The following RAP1GDS1 variants were observed in gnomAD, a reference collection of about 807,000 sequenced individuals.
The protein encoded by RAP1GDS1 is RAP1, GTP-GDP dissociation stimulator 1.
A neutral mutation model predicts 71.1 loss-of-function variants in RAP1GDS1; 35 were observed. That is an observed-to-expected ratio of 0.49 (90% CI 0.38 to 0.65). The LOEUF (loss-of-function observed/expected upper bound fraction) is 0.65. RAP1GDS1 is among the 30% of genes least tolerant of loss of function. RAP1GDS1 has a pLI of 0.00. For missense variants in RAP1GDS1, 663 were observed against 706.1 expected, an observed-to-expected ratio of 0.94 and a Z score of 0.69; for synonymous variants, 229 against 243.1, an observed-to-expected ratio of 0.94 and a Z score of 0.54.
chr4:98,391,592 GC>G (rs1480091209), intron 5 of RAP1GDS1, among the ~76,000 whole-genome samples: 4 of 151,872 alleles, frequency 2.6e-5, no homozygotes, highest in Non-Finnish European at 5.9e-5. Flanking sequence ...TTCCTGTAAT[GC>G]AAATGTTACT....
chr4:98,425,535 G>T (rs1749495100), intron 12 of RAP1GDS1, among the ~76,000 whole-genome samples: 1 of 152,108 alleles, frequency 6.6e-6, no homozygotes, highest in Non-Finnish European at 1.5e-5. Flanking sequence ...GGTGGAAAAA[G>T]ACATTCTATG....
chr4:98,261,560 A>G lies in RAP1GDS1; in HGVS notation c.-6A>G. On this transcript the variant is annotated 5_prime_UTR_variant, in exon 1 of 15. Transcript: ENST00000408927. Reference sequence around the variant, plus strand: ...CCCCGCCGGTTCCTCACCCTCGGGGAGCAACATGGGTAAGTCATCCTTCCT... The same window carrying G: ...CCCCGCCGGTTCCTCACCCTCGGGGGGCAACATGGGTAAGTCATCCTTCCT... 6.2e-7 allele frequency: 1 copy of G among 1,600,458 alleles called. No homozygotes were observed.
At chr4:98,338,179 T>TA (rs1285245349) in intron 2 of RAP1GDS1, among the ~76,000 whole-genome samples, 1 of 151,996 alleles carries the variant, frequency 6.6e-6, no homozygotes, top group Non-Finnish European at 1.5e-5. Flanking sequence ...AATGTGGGGG[T>TA]AGGAAGCTAT....
intron 14 of RAP1GDS1, among the ~76,000 whole-genome samples, chr4:98,439,031 A>G (rs181517763): frequency 1.3e-5 from 2 of 152,328 alleles, no homozygotes; most frequent in African/African-American, 2.4e-5. Flanking sequence ...AGTCTATCGT[A>G]TTTACGCACA....
intron 4 of RAP1GDS1, among the ~76,000 whole-genome samples, chr4:98,356,223 A>G (rs1737952155): frequency 6.6e-6 from 1 of 152,126 alleles, no homozygotes; most frequent in Non-Finnish European, 1.5e-5. Flanking sequence ...GTAGTATTAT[A>G]TTTCAGAAAT....
chr4:98,352,814 T>C (rs1371834184), intron 4 of RAP1GDS1, among the ~76,000 whole-genome samples: 4 of 152,200 alleles, frequency 2.6e-5, no homozygotes, highest in African/African-American at 9.7e-5. Context: ...TCCTCTGTTA[T>C]CACAAATGAT....
intron 2 of RAP1GDS1, among the ~76,000 whole-genome samples, chr4:98,311,337 T>A (rs1730190555): frequency 6.6e-6 from 1 of 152,188 alleles, no homozygotes; most frequent in Admixed American, 6.5e-5. Flanking sequence ...CAAAGACTCT[T>A]AAGTATTTTT....
chr4:98,291,691 A>G (rs1191983656), intron 1 of RAP1GDS1, among the ~76,000 whole-genome samples: 1 of 150,352 alleles, frequency 6.7e-6, no homozygotes, highest in Admixed American at 6.6e-5. Flanking sequence ...CTGCTGAATT[A>G]TACATATTTA....
rs531004866 is a variant in RAP1GDS1 at position 98,425,824 on chromosome 4, A to C, written c.1440+4430A>C. ...AGCATTAAAGAGGTTATCAAGACAG[A>C]AAGTCAACAAAGAAACAATGGATTT... On this transcript the variant is annotated intron_variant, in intron 12 of 14. Transcript: ENST00000408927. Among the ~76,000 whole-genome samples the C allele has an allele frequency of 7.2e-5, 11 of 152,328 alleles. No homozygotes were observed. In the South Asian group the frequency reaches 1.4e-3, roughly 20 times the overall value.
chr4:98,343,080 G>A (rs1315908752), intron 2 of RAP1GDS1, 59 bp from the exon 3 acceptor site: 1 of 1,486,552 alleles, frequency 6.7e-7, no homozygotes, highest in Non-Finnish European at 9.1e-7. Context: ...TGTAGATAAT[G>A]GTTGTCAGTG....
intron 1 of RAP1GDS1, among the ~76,000 whole-genome samples, chr4:98,292,093 T>A (rs1727036829): frequency 6.6e-6 from 1 of 152,068 alleles, no homozygotes; most frequent in South Asian, 2.1e-4. Context: ...TCCAGTCATC[T>A]TCTGTTGAAC....
chr4:98,293,657 G>C, intron 2 of RAP1GDS1, 142 bp downstream of exon 2: 1 of 663,428 alleles, frequency 1.5e-6, no homozygotes. Context: ...TACTGAGATT[G>C]TTTTACATGT....
At chr4:98,287,786 A>AT (rs145993072) in intron 1 of RAP1GDS1, among the ~76,000 whole-genome samples, 3 of 150,364 alleles carry the variant, frequency 2.0e-5, no homozygotes, top group Admixed American at 6.6e-5. Context: ...TTGCTCAGAT[A>AT]TTTTTTTTTT....
At chr4:98,406,728 G>C (rs1560971500) in intron 7 of RAP1GDS1, among the ~76,000 whole-genome samples, 1 of 151,938 alleles carries the variant, frequency 6.6e-6, no homozygotes, top group African/African-American at 2.4e-5. Flanking sequence ...AAACATTTAA[G>C]AACATGTATA....
At chr4:98,325,942 A>AGTT (rs1733001356) in intron 2 of RAP1GDS1, among the ~76,000 whole-genome samples, 1 of 151,728 alleles carries the variant, frequency 6.6e-6, no homozygotes, top group Non-Finnish European at 1.5e-5. Context: ...GATTCAGTGT[A>AGTT]GTTGTAGTGC....
chr4:98,391,897 C>T (rs1743739586), intron 5 of RAP1GDS1, 55 bp from the exon 6 acceptor site: 1 of 1,470,190 alleles, frequency 6.8e-7, no homozygotes, highest in East Asian at 2.3e-5. Flanking sequence ...TTATAATGTT[C>T]ATTTGACATG....
At chr4:98,421,534 T>A (rs1748857718) in intron 12 of RAP1GDS1, 140 bp downstream of exon 12, 9 of 913,140 alleles carry the variant, frequency 9.9e-6, no homozygotes, top group Non-Finnish European at 1.3e-5. Flanking sequence ...TATAATGTGC[T>A]TAGCTGATAC....
intron 2 of RAP1GDS1, among the ~76,000 whole-genome samples, chr4:98,328,957 A>G (rs1208836651): frequency 1.3e-5 from 2 of 152,242 alleles, no homozygotes; most frequent in Non-Finnish European, 2.9e-5. Flanking sequence ...TTTAGATTTT[A>G]CCTACACTCT....
intron 5 of RAP1GDS1, among the ~76,000 whole-genome samples, chr4:98,391,720 A>G (rs2110127342): frequency 6.6e-6 from 1 of 152,252 alleles, no homozygotes; most frequent in Admixed American, 6.5e-5. Flanking sequence ...TCTTCAAACT[A>G]TTTTTATTTC....
Sources: gnomAD v4.1 joint callset for allele counts (sites outside exome capture counted in the v4.1 genomes callset) on GRCh38, gnomAD v4.1.1 for gene constraint, MANE v1.5 for transcripts, NCBI Gene and HGNC (gene_info 2026-07-23, HGNC 2026-07-21) for gene names.